MAP3K20: variants seen among roughly 807,000 people sequenced by gnomAD.
MAP3K20 encodes HCCS-4.
A neutral mutation model predicts 85.7 loss-of-function variants in MAP3K20; 40 were observed. The observed-to-expected ratio is 0.47, with a 90% CI of 0.36 to 0.61. The LOEUF is 0.61. Ranked by LOEUF, MAP3K20 falls within the 20% of genes least tolerant of loss-of-function variation. The pLI is 0.00. For synonymous variants in MAP3K20, 325 were observed against 327.7 expected, an observed-to-expected ratio of 0.99 and a Z score of 0.09; for missense variants, 817 against 961.7, an observed-to-expected ratio of 0.85 and a Z score of 1.99.
At position 173,266,860 on chromosome 2, in the gene MAP3K20, C is replaced by T; in HGVS notation, c.*110C>T. 8.9e-7 allele frequency: 1 copy of T among 1,120,198 alleles called. No individual in the cohort carries two copies. The highest frequency in any genetic ancestry group is 2.8e-5 in the South Asian group (1 of 36,356). 69.4% of individuals were successfully genotyped at this position (1,120,198 alleles called of 1,614,324 possible). ...AGATTGAATTAACGAAAAGACAACA[C>T]TTCCAGTTTTTGGATTGGGAAATAC... On this transcript the variant is annotated 3_prime_UTR_variant, in exon 20 of 20. Transcript: ENST00000375213.
chr2:173,252,278 C>T (rs1685057451), intron 16 of MAP3K20, among the ~76,000 whole-genome samples: 1 of 152,204 alleles, frequency 6.6e-6, no homozygotes. Context: ...CTTAATTTAG[C>T]ATCAACTGAG....
chr2:173,185,692 C>A (rs1244273210), intron 4 of MAP3K20, among the ~76,000 whole-genome samples: 1 of 152,242 alleles, frequency 6.6e-6, no homozygotes, highest in African/African-American at 2.4e-5. Flanking sequence ...AGCATCATTG[C>A]TGTTGAGACA....
At position 173,220,080 on chromosome 2, in the gene MAP3K20, G is replaced by GAAAAAAAAAAAAAA. The variant is rs76443589; in HGVS notation, c.987+2833_987+2834insAAAAAAAAAAAAAA. Among the ~76,000 whole-genome samples, 29 of 85,484 alleles carry GAAAAAAAAAAAAAA rather than the reference G, an allele frequency of 3.4e-4. No homozygotes were observed. In the East Asian group the frequency reaches 4.6e-3, roughly 13 times the overall value. 56.1% of individuals were successfully genotyped at this position (85,484 alleles called of 152,430 possible). ...TAGACTCTGTCTCAAAAAAAAAAAG[G>GAAAAAAAAAAAAAA]AAACTGATCCTGAATATTAGGTACC... On this transcript the variant is annotated intron_variant, in intron 11 of 19. Coordinates refer to ENST00000375213, the MANE Select transcript of MAP3K20 (RefSeq NM_016653.3).
intron 17 of MAP3K20, 105 bp from the exon 18 acceptor site, chr2:173,260,958 G>A (rs1009789818): frequency 5.8e-6 from 5 of 859,184 alleles, no homozygotes; most frequent in Non-Finnish European, 7.5e-6. Context: ...CTGATATTAT[G>A]CCCCTATTTG....
intron 1 of MAP3K20, among the ~76,000 whole-genome samples, chr2:173,083,604 T>C (rs1335129164): frequency 6.6e-6 from 1 of 152,160 alleles, no homozygotes; most frequent in Non-Finnish European, 1.5e-5. Context: ...TTGACCTTGG[T>C]GTTACGGACA....
At chr2:173,196,616 G>C (rs1559273190) in intron 7 of MAP3K20, among the ~76,000 whole-genome samples, 1 of 152,196 alleles carries the variant, frequency 6.6e-6, no homozygotes, top group Non-Finnish European at 1.5e-5. Flanking sequence ...CATTTACTGT[G>C]TTATGGTTGA....
At chr2:173,133,820 TAA>T (rs796823000) in intron 2 of MAP3K20, among the ~76,000 whole-genome samples, 1 of 142,128 alleles carries the variant, frequency 7.0e-6, no homozygotes, top group African/African-American at 2.6e-5. Context: ...CCATCTCTAC[TAA>T]AAAAAAAAAA....
intron 18 of MAP3K20, among the ~76,000 whole-genome samples, chr2:173,262,276 C>A (rs1449662594): frequency 1.3e-5 from 2 of 152,138 alleles, no homozygotes; most frequent in Non-Finnish European, 2.9e-5. Context: ...GTTTCCTGGG[C>A]TGCCAGGATT....
At chr2:173,252,221 T>G (rs112988630) in intron 16 of MAP3K20, among the ~76,000 whole-genome samples, 1 of 152,332 alleles carries the variant, frequency 6.6e-6, no homozygotes, top group African/African-American at 2.4e-5. Context: ...CTAAAAAAAT[T>G]TAAACAGCTT....
rs1351639148 is a variant in MAP3K20, at chr2:173,258,712, A to G, written c.1373A>G (p.Lys458Arg). Residue 458 changes from lysine to arginine, a missense_variant, in exon 17 of 20, where the codon AAA becomes AGA. By Grantham distance (26) the Lys-to-Arg change is conservative. Coordinates refer to ENST00000375213, the MANE Select transcript of MAP3K20 (RefSeq NM_016653.3). Reference protein sequence around the residue: ...PGTGPQDCKWKMYMEMDGDEI... With the variant: ...PGTGPQDCKWRMYMEMDGDEI... ...TTTTAATTCCAGGATTGTAAGTGGA[A>G]AATGTATATGGAGATGGATGGGGAT... 1 of 1,602,738 alleles carries G rather than the reference A, an allele frequency of 6.2e-7. No homozygotes were observed. The highest frequency in any genetic ancestry group is 8.5e-7 in the Non-Finnish European group (1 of 1,173,128).
At chr2:173,082,839 T>G (rs1209221001) in intron 1 of MAP3K20, among the ~76,000 whole-genome samples, 3 of 152,264 alleles carry the variant, frequency 2.0e-5, no homozygotes, top group Non-Finnish European at 4.4e-5. Context: ...TGTTTCCTTG[T>G]TGGGCTTCTG....
intron 2 of MAP3K20, among the ~76,000 whole-genome samples, chr2:173,153,950 G>A (rs867926639): frequency 3.9e-5 from 6 of 151,996 alleles, no homozygotes; most frequent in African/African-American, 1.4e-4. Context: ...TTGAATCCAC[G>A]GATATGGAGC....
chr2:173,261,213 T>A, intron 18 of MAP3K20, 76 bp downstream of exon 18: 1 of 1,473,510 alleles, frequency 6.8e-7, no homozygotes, highest in Non-Finnish European at 9.4e-7. Context: ...TCTCAGAGCA[T>A]ATAATTTATT....
intron 8 of MAP3K20, among the ~76,000 whole-genome samples, chr2:173,202,165 C>T (rs1394609605): frequency 6.6e-6 from 1 of 152,078 alleles, no homozygotes; most frequent in Non-Finnish European, 1.5e-5. Flanking sequence ...TAACCTTCAT[C>T]AAAAGGTCTG....
intron 16 of MAP3K20, among the ~76,000 whole-genome samples, chr2:173,248,342 CA>C (rs1313274360): frequency 6.6e-6 from 1 of 152,144 alleles, no homozygotes; most frequent in African/African-American, 2.4e-5. Flanking sequence ...TATGTATCTC[CA>C]AACTCATCAG....
At chr2:173,128,851 A>G (rs552319612) in intron 2 of MAP3K20, among the ~76,000 whole-genome samples, 8 of 152,074 alleles carry the variant, frequency 5.3e-5, no homozygotes, top group Middle Eastern at 3.4e-3. Context: ...AAAAATTTCA[A>G]CTATTTTATA....
At chr2:173,081,835 T>A (rs1687022674) in intron 1 of MAP3K20, among the ~76,000 whole-genome samples, 1 of 152,194 alleles carries the variant, frequency 6.6e-6, no homozygotes, top group Admixed American at 6.5e-5. Context: ...TATAGTAGAT[T>A]AGTCATCAAC....
intron 2 of MAP3K20, 150 bp downstream of exon 2, chr2:173,091,340 G>T (rs554379810): frequency 1.4e-6 from 1 of 735,802 alleles, no homozygotes; most frequent in Non-Finnish European, 2.1e-6. Context: ...CATTCTGGGA[G>T]CCCCATAAAT....
chr2:173,187,731 C>A, intron 5 of MAP3K20, 108 bp downstream of exon 5: 1 of 915,408 alleles, frequency 1.1e-6, no homozygotes, highest in Non-Finnish European at 1.6e-6. Context: ...TACTATTGGA[C>A]TCACTGCTGA....
Sources: allele counts gnomAD v4.1 joint callset (sites outside exome capture counted in the v4.1 genomes callset), GRCh38; gene constraint gnomAD v4.1.1; transcripts MANE v1.5; gene names NCBI Gene and HGNC (gene_info 2026-07-23, HGNC 2026-07-21).